Variants in DNAH7 observed in about 807,000 individuals in gnomAD.
DNAH7 encodes the protein dynein axonemal heavy chain 7.
DNAH7 carries 397 observed loss-of-function variants against 444.6 expected under a neutral mutation model. The observed-to-expected ratio is 0.89, with a 90% CI of 0.82 to 0.97. The LOEUF (loss-of-function observed/expected upper bound fraction) is 0.97, where lower values mean the gene tolerates loss of function less well. DNAH7 is among the 50% of genes least tolerant of loss of function. The pLI, the probability that DNAH7 is intolerant of heterozygous loss-of-function variation, is 0.00. For missense variants in DNAH7, 4,902 were observed against 4,800.8 expected (o/e 1.02, Z -0.62); for synonymous variants, 1,636 against 1,624.4 (o/e 1.01, Z -0.17).
At position 195,907,016 on chromosome 2, in the gene DNAH7, G is replaced by A; in HGVS notation, c.4105-7C>T. 6.2e-7 allele frequency: 1 copy of A among 1,600,522 alleles called. No individual in the cohort carries two copies. On this transcript the variant is annotated splice_polypyrimidine_tract_variant and splice_region_variant and intron_variant, in intron 25 of 64. Coordinates refer to ENST00000312428, the MANE Select transcript of DNAH7 (RefSeq NM_018897.3). ...CTCCACAAGATAACAGTCCCTATGAGAAAAGAGTAATGAAAATTTTTGACT... is the reference window on the plus strand; with the variant it reads ...CTCCACAAGATAACAGTCCCTATGAAAAAAGAGTAATGAAAATTTTTGACT...
intron 1 of DNAH7, 42 bp downstream of exon 1, chr2:196,068,655 C>A: frequency 6.5e-7 from 1 of 1,549,812 alleles, no homozygotes; most frequent in Non-Finnish European, 8.7e-7. Flanking sequence ...GCCTGGGAAG[C>A]GTCGCGGCGG....
rs547397965 is a variant in DNAH7, at chr2:195,891,825, T to A, written c.4897-21A>T. Reference sequence around the variant, plus strand: ...AGCCCCTTAATGAAAAAAAAAAACATTTATTTATGTAAAGAATACTGTCTT... The same window carrying A: ...AGCCCCTTAATGAAAAAAAAAAACAATTATTTATGTAAAGAATACTGTCTT... On this transcript the variant is annotated intron_variant, in intron 30 of 64. Coordinates refer to ENST00000312428, the MANE Select transcript of DNAH7 (RefSeq NM_018897.3). 2.9e-5 allele frequency: 44 copies of A among 1,535,416 alleles called. No individual in the cohort carries two copies. The African/African-American group carries it at 6.0e-4, about 21-fold the overall frequency.
At chr2:195,783,862 G>A (rs934322289) in intron 58 of DNAH7, among the ~76,000 whole-genome samples, 1 of 151,496 alleles carries the variant, frequency 6.6e-6, no homozygotes, top group African/African-American at 2.4e-5. Flanking sequence ...TAGTTGGCAT[G>A]GCATAACGTT....
rs146114466 is a variant in DNAH7 at position 195,799,352 on chromosome 2, C to G, written c.10297G>C (p.Val3433Leu). Reference sequence around the variant, plus strand: ...ATGGGATCTGCTCCAGGAGAGAGCACGAAAATCAGTGGTGCACAGCAGTTA... The same window carrying G: ...ATGGGATCTGCTCCAGGAGAGAGCAGGAAAATCAGTGGTGCACAGCAGTTA... Reference protein sequence around the residue: ...DSNCCAPLIFVLSPGADPMAA... With the variant: ...DSNCCAPLIFLLSPGADPMAA... Residue 3433 changes from valine to leucine, a missense_variant, in exon 55 of 65, where the codon GTG (valine) becomes CTG (leucine). By Grantham distance (32) the Val-to-Leu change is conservative. Coordinates refer to ENST00000312428, the MANE Select transcript of DNAH7 (RefSeq NM_018897.3). 2 of 1,611,112 alleles carry G rather than the reference C, an allele frequency of 1.2e-6. No individual in the cohort carries two copies. Among genetic ancestry groups the G allele is most frequent in the Non-Finnish European group, 1.7e-6 (2 of 1,178,662 alleles).
chr2:195,972,569 G>C, intron 15 of DNAH7, 103 bp from the exon 16 acceptor site: 1 of 827,500 alleles, frequency 1.2e-6, no homozygotes, highest in Non-Finnish European at 1.9e-6. Flanking sequence ...CTTATTAGAA[G>C]TCAACACTTT....
intron 20 of DNAH7, among the ~76,000 whole-genome samples, chr2:195,935,003 A>T (rs1431693251): frequency 6.6e-6 from 1 of 152,242 alleles, no homozygotes; most frequent in Non-Finnish European, 1.5e-5. Flanking sequence ...CTGAATAATC[A>T]CAAAACATCT....
rs1255384253 is a variant in DNAH7 at position 195,844,023 on chromosome 2, G to A, written c.8945+979C>T. Among the ~76,000 whole-genome samples, 4 of 152,138 alleles carry A rather than the reference G, an allele frequency of 2.6e-5. No homozygotes were observed. In the East Asian group the frequency reaches 7.7e-4, roughly 29 times the overall value. ...AGGCAGGAAAATGTCATGAACCTGG[G>A]AGGCGGAGCTTGCAGTGAGCCAAGA... On this transcript the variant is annotated intron_variant, in intron 47 of 64. Coordinates refer to ENST00000312428, the MANE Select transcript of DNAH7 (RefSeq NM_018897.3).
At chr2:195,847,800 C>T (rs1216122891) in intron 46 of DNAH7, among the ~76,000 whole-genome samples, 1 of 152,030 alleles carries the variant, frequency 6.6e-6, no homozygotes, top group African/African-American at 2.4e-5. Flanking sequence ...AGACGGAAAA[C>T]TTTTACTTCT....
At chr2:195,969,697 G>T (rs1372644198) in intron 17 of DNAH7, among the ~76,000 whole-genome samples, 1 of 152,132 alleles carries the variant, frequency 6.6e-6, no homozygotes, top group Non-Finnish European at 1.5e-5. Context: ...GCAAAGCAAA[G>T]TTTAAAAAGA....
intron 18 of DNAH7, among the ~76,000 whole-genome samples, chr2:195,957,792 C>T (rs1014308000): frequency 1.6e-4 from 24 of 151,880 alleles, no homozygotes; most frequent in South Asian, 4.2e-4. Flanking sequence ...GAGATATACA[C>T]GTTAAGATAT....
At position 195,864,181 on chromosome 2, in the gene DNAH7, G is replaced by A. The variant is rs1574602081; in HGVS notation, c.7474C>T (p.Leu2492Phe). ...CAGTCAATGGTACAGCAGTTAACAA[G>A]AGCAGGGAACTTTCTAAGACGATTC... is the stretch of plus-strand genomic sequence containing the variant. ...FRNRLRKFPA[L>F]VNCCTIDWFQ... Residue 2492 changes from leucine to phenylalanine, a missense_variant, in exon 41 of 65, where the codon CTT (leucine) becomes TTT (phenylalanine). Physicochemically the swap from Leu to Phe is conservative, Grantham distance 22. Transcript: ENST00000312428. 1 of 1,614,102 alleles carries A rather than the reference G, an allele frequency of 6.2e-7. No individual in the cohort carries two copies. The highest frequency in any genetic ancestry group is 2.2e-5 in the East Asian group (1 of 44,884).
chr2:196,026,819 A>G lies in DNAH7; in HGVS notation c.608T>C (p.Ile203Thr). ...TCTCATTTCATCAGATAATGTAACT[A>G]TGCTGTCAGTGAAGACTTTCAGATG... ...PQHLKVFTDS[I>T]VTLSDEMRED... Residue 203 changes from isoleucine (I) to threonine (T), a missense_variant, in exon 7 of 65, where the codon ATA (isoleucine) becomes ACA (threonine). Transcript: ENST00000312428. The G allele has an allele frequency of 6.2e-7, 1 of 1,612,700 alleles. No homozygotes were observed. The highest frequency in any genetic ancestry group is 8.5e-7 in the Non-Finnish European group (1 of 1,179,046).
intron 61 of DNAH7, among the ~76,000 whole-genome samples, chr2:195,770,161 G>T (rs1489259015): frequency 6.6e-6 from 1 of 152,044 alleles, no homozygotes; most frequent in Non-Finnish European, 1.5e-5. Flanking sequence ...CAATGCAGAG[G>T]GAGTTGCTGA....
At chr2:195,876,520 G>A (rs369832218) in intron 37 of DNAH7, 24 bp downstream of exon 37, 21 of 1,609,082 alleles carry the variant, frequency 1.3e-5, no homozygotes, top group Middle Eastern at 1.6e-4. Flanking sequence ...GAATAGGCCC[G>A]GGTACTGTAC....
intron 63 of DNAH7, among the ~76,000 whole-genome samples, chr2:195,744,914 G>A (rs1037301973): frequency 7.9e-5 from 12 of 152,340 alleles, no homozygotes; most frequent in South Asian, 4.1e-4. Flanking sequence ...AAAAAACAGA[G>A]CAGAAAAACT....
chr2:196,012,785 ACATTTT>A lies in DNAH7; in HGVS notation c.985_989+1del, dbSNP rs766169736. 8.1e-6 allele frequency: 13 copies of A among 1,598,748 alleles called. No homozygotes were observed. The East Asian group carries it at 3.0e-4, about 36-fold the overall frequency. On this transcript the variant is annotated splice_donor_variant and coding_sequence_variant, in exon 10 of 65. Coordinates refer to ENST00000312428, the MANE Select transcript of DNAH7 (RefSeq NM_018897.3). LOFTEE classifies it high-confidence loss of function. ...TTCCTACATGAAATTTCAAACCTTT[ACATTTT>A]AAGTAGAGTCTCTTTGGCAGAGTCC...
At chr2:195,861,446 G>A (rs1295413063) in intron 42 of DNAH7, among the ~76,000 whole-genome samples, 36 of 152,078 alleles carry the variant, frequency 2.4e-4, no homozygotes, top group Admixed American at 2.3e-3. Context: ...CTCTACTAGT[G>A]TTTACTCAAT....
At chr2:195,949,867 T>C (rs1690098661) in intron 19 of DNAH7, among the ~76,000 whole-genome samples, 1 of 152,184 alleles carries the variant, frequency 6.6e-6, no homozygotes, top group African/African-American at 2.4e-5. Context: ...AATCATGTGG[T>C]TTTTGTCATT....
At chr2:195,833,730 C>A (rs1325060787) in intron 48 of DNAH7, among the ~76,000 whole-genome samples, 1 of 152,064 alleles carries the variant, frequency 6.6e-6, no homozygotes, top group Non-Finnish European at 1.5e-5. Flanking sequence ...CACATAAAAT[C>A]TGTACTCTCC....
Sources: allele counts gnomAD v4.1 joint callset (sites outside exome capture counted in the v4.1 genomes callset), GRCh38; gene constraint gnomAD v4.1.1; transcripts MANE v1.5; gene names NCBI Gene and HGNC (gene_info 2026-07-23, HGNC 2026-07-21).